SDK1: variants seen among roughly 807,000 people sequenced by gnomAD.
SDK1 encodes the protein sidekick cell adhesion molecule 1, also known as protein sidekick-1.
A neutral mutation model predicts 245.5 loss-of-function variants in SDK1; 157 were observed. The observed-to-expected ratio is 0.64, with a 90% CI of 0.56 to 0.73. The LOEUF (loss-of-function observed/expected upper bound fraction) is 0.73. SDK1 is among the 30% of genes least tolerant of loss of function. The pLI is 0.00. For synonymous variants in SDK1, 1,647 were observed against 1,278.5 expected, an observed-to-expected ratio of 1.29 and a Z score of -6.15; for missense variants, 3,583 against 3,002.3, an observed-to-expected ratio of 1.19 and a Z score of -4.52.
intron 9 of SDK1, among the ~76,000 whole-genome samples, chr7:3,964,365 G>C (rs543148920): frequency 6.6e-6 from 1 of 152,286 alleles, no homozygotes; most frequent in East Asian, 1.9e-4. Flanking sequence ...CCTCTTTCTT[G>C]AGGAGAAGTA....
chr7:3,742,014 G>A (rs1385720582), intron 4 of SDK1, among the ~76,000 whole-genome samples: 1 of 106,152 alleles, frequency 9.4e-6, no homozygotes, highest in Non-Finnish European at 1.8e-5. Context: ...ATATATATAT[G>A]CTGTATTTTT....
chr7:3,887,525 C>A (rs1781365142), intron 5 of SDK1, among the ~76,000 whole-genome samples: 1 of 152,220 alleles, frequency 6.6e-6, no homozygotes, highest in South Asian at 2.1e-4. Context: ...AGAATTTTGC[C>A]TTGGGCTGTA....
At chr7:3,562,212 A>G (rs376750229) in intron 1 of SDK1, among the ~76,000 whole-genome samples, 3 of 152,242 alleles carry the variant, frequency 2.0e-5, no homozygotes, top group African/African-American at 4.8e-5. Context: ...CTTATCTCCA[A>G]GGATTCCAGA....
Position 3,644,823 on chromosome 7 carries a change from G to T in SDK1, c.713+2718G>T, listed in dbSNP as rs1307077210. Reference sequence around the variant, plus strand: ...AACAACAACAACGGCGGGGCAGGGGGTGGCAGGCAAGATACATTCTTGTAT... The same window carrying T: ...AACAACAACAACGGCGGGGCAGGGGTTGGCAGGCAAGATACATTCTTGTAT... On this transcript the variant is annotated intron_variant, in intron 4 of 44. Coordinates refer to ENST00000404826, the MANE Select transcript of SDK1 (RefSeq NM_152744.4). Among the ~76,000 whole-genome samples the T allele has an allele frequency of 3.3e-5, 5 of 149,936 alleles. No homozygotes were observed. In the Admixed American group the frequency reaches 3.3e-4, roughly 10 times the overall value.
intron 17 of SDK1, among the ~76,000 whole-genome samples, chr7:4,039,435 G>C (rs1357953091): frequency 3.9e-5 from 6 of 152,022 alleles, no homozygotes; most frequent in African/African-American, 1.4e-4. Context: ...GTGGCCTGTA[G>C]GCCTTAATGG....
intron 35 of SDK1, among the ~76,000 whole-genome samples, chr7:4,180,961 T>A (rs1782571459): frequency 6.6e-6 from 1 of 152,132 alleles, no homozygotes. Context: ...GTCATCGTGG[T>A]AAGATGCGTA....
intron 19 of SDK1, among the ~76,000 whole-genome samples, chr7:4,059,706 C>T (rs895147791): frequency 9.2e-5 from 14 of 152,220 alleles, no homozygotes; most frequent in African/African-American, 3.1e-4. Context: ...AAGCAAATCT[C>T]AACAACTTTT....
At chr7:3,615,596 C>T (rs1037367553) in intron 1 of SDK1, among the ~76,000 whole-genome samples, 1 of 151,710 alleles carries the variant, frequency 6.6e-6, no homozygotes, top group African/African-American at 2.4e-5. Flanking sequence ...ATGCTGATTA[C>T]AGAGGCTGGT....
rs189224101 is a variant in SDK1, at chr7:3,854,061, T to A, written c.847+32478T>A. On this transcript the variant is annotated intron_variant, in intron 5 of 44. Coordinates refer to ENST00000404826, the MANE Select transcript of SDK1 (RefSeq NM_152744.4). ...TAGGGATGCTCAACCTGTATTTTTTTAAAATGCTTTACACATTTTTAAATT... is the reference window on the plus strand; with the variant it reads ...TAGGGATGCTCAACCTGTATTTTTTAAAAATGCTTTACACATTTTTAAATT... Among the ~76,000 whole-genome samples, 52 of 152,344 alleles carry A rather than the reference T, an allele frequency of 3.4e-4. No individual in the cohort carries two copies. The East Asian group carries it at 4.4e-3, about 13-fold the overall frequency.
At chr7:4,115,600 T>C (rs1218387149) in intron 25 of SDK1, among the ~76,000 whole-genome samples, 1 of 152,222 alleles carries the variant, frequency 6.6e-6, no homozygotes, top group Non-Finnish European at 1.5e-5. Context: ...GAGCCCAGCA[T>C]GAGTCCTCCT....
At chr7:3,628,143 A>G (rs909382293) in intron 2 of SDK1, among the ~76,000 whole-genome samples, 2 of 152,120 alleles carry the variant, frequency 1.3e-5, no homozygotes, top group Admixed American at 6.6e-5. Flanking sequence ...TGACTCATGT[A>G]TAATCCCAGG....
intron 20 of SDK1, among the ~76,000 whole-genome samples, chr7:4,074,234 G>C (rs1439825034): frequency 2.6e-5 from 4 of 152,156 alleles, no homozygotes; most frequent in African/African-American, 9.7e-5. Flanking sequence ...GACAACTGAG[G>C]GATTGGGGGA....
intron 11 of SDK1, among the ~76,000 whole-genome samples, chr7:3,969,740 C>G (rs1488761098): frequency 6.6e-6 from 1 of 152,096 alleles, no homozygotes; most frequent in African/African-American, 2.4e-5. Flanking sequence ...ATTTTATAAG[C>G]ATTTTATAAG....
chr7:3,560,751 ATCC>A (rs1310098794), intron 1 of SDK1, among the ~76,000 whole-genome samples: 3 of 152,024 alleles, frequency 2.0e-5, no homozygotes, highest in Non-Finnish European at 4.4e-5. Flanking sequence ...CCCTCTCTGT[ATCC>A]TCCTCTCCTA....
intron 1 of SDK1, among the ~76,000 whole-genome samples, chr7:3,357,331 T>TTTTG (rs1780829151): frequency 8.6e-5 from 1 of 11,654 alleles, no homozygotes. Flanking sequence ...TTTTAGTGTT[T>TTTTG]TTTTTTTTTT....
chr7:3,557,465 C>T (rs1383913974), intron 1 of SDK1, among the ~76,000 whole-genome samples: 2 of 152,158 alleles, frequency 1.3e-5, no homozygotes, highest in Non-Finnish European at 2.9e-5. Flanking sequence ...AAGAGCAAGA[C>T]CAGGGGTCCT....
At chr7:3,434,552 A>G (rs1779964115) in intron 1 of SDK1, among the ~76,000 whole-genome samples, 1 of 152,192 alleles carries the variant, frequency 6.6e-6, no homozygotes, top group South Asian at 2.1e-4. Flanking sequence ...CTTAAGTATT[A>G]TCTCCATTTT....
At chr7:3,672,849 A>G (rs1783761350) in intron 4 of SDK1, among the ~76,000 whole-genome samples, 1 of 137,504 alleles carries the variant, frequency 7.3e-6, no homozygotes, top group Non-Finnish European at 1.5e-5. Context: ...CAAAATAGGC[A>G]CCTACAATGA....
intron 1 of SDK1, among the ~76,000 whole-genome samples, chr7:3,586,642 T>C (rs1583198152): frequency 6.8e-6 from 1 of 146,898 alleles, no homozygotes; most frequent in African/African-American, 2.5e-5. Flanking sequence ...GAGGTGGAGG[T>C]TGCAGTGAGC....
Sources: allele counts gnomAD v4.1 joint callset (sites outside exome capture counted in the v4.1 genomes callset), GRCh38; gene constraint gnomAD v4.1.1; transcripts MANE v1.5; gene names NCBI Gene and HGNC (gene_info 2026-07-23, HGNC 2026-07-21).